ADAM22: variants seen among roughly 807,000 people sequenced by gnomAD.
ADAM22 encodes the protein disintegrin and metalloproteinase domain-containing protein 22.
In ADAM22, 65 loss-of-function variants were observed where a neutral mutation model predicts 144.6. That is an observed-to-expected ratio of 0.45 (90% CI 0.37 to 0.55). The LOEUF is 0.55. Among genes scored for constraint, ADAM22 ranks in the 20% least tolerant of loss-of-function variants. ADAM22 has a pLI of 0.00. For synonymous variants in ADAM22, 391 were observed against 412.6 expected, an observed-to-expected ratio of 0.95 and a Z score of 0.63; for missense variants, 974 against 1,184.9, an observed-to-expected ratio of 0.82 and a Z score of 2.61.
chr7:87,971,255 G>A (rs2129447252), intron 2 of ADAM22, among the ~76,000 whole-genome samples: 1 of 152,164 alleles, frequency 6.6e-6, no homozygotes, highest in South Asian at 2.1e-4. Context: ...GTATTTTCAT[G>A]ATACTGAAAT....
intron 3 of ADAM22, among the ~76,000 whole-genome samples, chr7:87,988,604 ATGACTTAC>A (rs1271011441): frequency 6.6e-6 from 1 of 152,220 alleles, no homozygotes; most frequent in Non-Finnish European, 1.5e-5. Context: ...AGAAAATCTT[ATGACTTAC>A]TGACTTACTG....
chr7:87,961,959 A>T (rs1221390277), intron 2 of ADAM22, among the ~76,000 whole-genome samples: 1 of 152,216 alleles, frequency 6.6e-6, no homozygotes, highest in Non-Finnish European at 1.5e-5. Context: ...CATATAACTC[A>T]TCGAGGTTCC....
chr7:87,999,240 T>C (rs1027603666), intron 3 of ADAM22, among the ~76,000 whole-genome samples: 1 of 152,186 alleles, frequency 6.6e-6, no homozygotes, highest in Admixed American at 6.5e-5. Flanking sequence ...GAAAAAGGTA[T>C]CAATGTTACA....
chr7:88,045,424 A>G (rs963744887), intron 3 of ADAM22, among the ~76,000 whole-genome samples: 2 of 151,972 alleles, frequency 1.3e-5, no homozygotes, highest in Admixed American at 6.5e-5. Context: ...TTATTAAGAT[A>G]TGATTGAAAA....
intron 23 of ADAM22, among the ~76,000 whole-genome samples, chr7:88,164,560 T>A (rs1842521008): frequency 6.6e-6 from 1 of 152,092 alleles, no homozygotes; most frequent in Admixed American, 6.6e-5. Context: ...TGCAATCATA[T>A]AGCCTGGGTT....
At chr7:88,003,844 A>G (rs561871402) in intron 3 of ADAM22, among the ~76,000 whole-genome samples, 5 of 152,312 alleles carry the variant, frequency 3.3e-5, no homozygotes, top group African/African-American at 1.2e-4. Context: ...TTGGACTCAT[A>G]TATAGACGAA....
intron 3 of ADAM22, among the ~76,000 whole-genome samples, chr7:88,073,603 A>G (rs966221095): frequency 2.6e-5 from 4 of 152,198 alleles, no homozygotes; most frequent in African/African-American, 9.7e-5. Context: ...TAATTCACTA[A>G]ATTAATTTAA....
chr7:88,116,692 C>T, intron 6 of ADAM22, 53 bp from the exon 7 acceptor site: 1 of 1,456,112 alleles, frequency 6.9e-7, no homozygotes, highest in Non-Finnish European at 9.6e-7. Flanking sequence ...TTGCCTAAGG[C>T]TGGAGATAAT....
intron 21 of ADAM22, among the ~76,000 whole-genome samples, chr7:88,154,534 C>G (rs960890958): frequency 6.6e-6 from 1 of 152,136 alleles, no homozygotes; most frequent in Admixed American, 6.5e-5. Context: ...TCTCTCTCTT[C>G]TTTGAACTTC....
At chr7:88,059,274 G>A (rs1457136536) in intron 3 of ADAM22, among the ~76,000 whole-genome samples, 1 of 152,110 alleles carries the variant, frequency 6.6e-6, no homozygotes, top group Non-Finnish European at 1.5e-5. Context: ...GAGCTTCCAG[G>A]AATGTCGTAA....
intron 1 of ADAM22, 133 bp from the exon 2 acceptor site, chr7:87,934,893 G>A (rs1278122887): frequency 7.9e-7 from 1 of 1,261,116 alleles, no homozygotes; most frequent in Non-Finnish European, 1.1e-6. Context: ...CTTCCCAGTT[G>A]GGTTCCGAGA....
chr7:88,117,156 A>T (rs1827962653), intron 7 of ADAM22, among the ~76,000 whole-genome samples: 1 of 152,224 alleles, frequency 6.6e-6, no homozygotes, highest in African/African-American at 2.4e-5. Flanking sequence ...ACTCTTAATC[A>T]TTTCCCTATT....
chr7:88,109,922 A>C (rs1162332637), intron 5 of ADAM22, among the ~76,000 whole-genome samples: 1 of 152,188 alleles, frequency 6.6e-6, no homozygotes, highest in African/African-American at 2.4e-5. Context: ...GGACACGGCC[A>C]GAAAATCTAG....
chr7:88,059,605 G>A (rs748622734), intron 3 of ADAM22, among the ~76,000 whole-genome samples: 60 of 152,122 alleles, frequency 3.9e-4, no homozygotes, highest in Non-Finnish European at 7.6e-4. Context: ...GCGAAAACAT[G>A]GACTCAACCT....
At chr7:87,979,655 G>T (rs1196550335) in intron 3 of ADAM22, among the ~76,000 whole-genome samples, 3 of 152,056 alleles carry the variant, frequency 2.0e-5, no homozygotes, top group Non-Finnish European at 2.9e-5. Context: ...AGCTCTTTGA[G>T]GGCAGAGATT....
intron 2 of ADAM22, among the ~76,000 whole-genome samples, chr7:87,974,131 T>C (rs1303297250): frequency 1.4e-5 from 2 of 147,136 alleles, no homozygotes; most frequent in African/African-American, 5.0e-5. Context: ...TTGTCTCTAC[T>C]AAAAAGAAAA....
intron 3 of ADAM22, among the ~76,000 whole-genome samples, chr7:88,026,736 C>T (rs1799110693): frequency 1.3e-5 from 2 of 152,128 alleles, no homozygotes; most frequent in African/African-American, 4.8e-5. Context: ...TCTGATTGCT[C>T]TAGCTAGGTC....
chr7:88,046,177 C>T (rs974047260), intron 3 of ADAM22, among the ~76,000 whole-genome samples: 6 of 152,112 alleles, frequency 3.9e-5, no homozygotes, highest in African/African-American at 1.4e-4. Context: ...ATTTATATTC[C>T]CATCAACAGT....
At chr7:88,173,842 G>A (rs930543013) in intron 26 of ADAM22, among the ~76,000 whole-genome samples, 2 of 152,028 alleles carry the variant, frequency 1.3e-5, no homozygotes, top group East Asian at 1.9e-4. Context: ...TTATGGTGAC[G>A]GGAAGTTATT....
Sources: gnomAD v4.1 joint callset for allele counts (sites outside exome capture counted in the v4.1 genomes callset) on GRCh38, gnomAD v4.1.1 for gene constraint, MANE v1.5 for transcripts, NCBI Gene and HGNC (gene_info 2026-07-23, HGNC 2026-07-21) for gene names.